The following LRBA variants were observed in gnomAD, a reference collection of about 807,000 sequenced individuals.
The protein encoded by LRBA is lipopolysaccharide-responsive and beige-like anchor protein.
Under a neutral mutation model 330.0 loss-of-function variants are expected in LRBA, and 176 were observed. That is an observed-to-expected ratio of 0.53 (90% CI 0.47 to 0.60). LRBA has a LOEUF of 0.60. Among genes scored for constraint, LRBA ranks in the 20% least tolerant of loss-of-function variants. The pLI is 0.00. For missense variants in LRBA, 3,259 were observed against 3,444.8 expected (o/e 0.95, Z 1.35); for synonymous variants, 1,230 against 1,193.0 (o/e 1.03, Z -0.64).
intron 37 of LRBA, among the ~76,000 whole-genome samples, chr4:150,636,575 G>C (rs1020902477): frequency 6.6e-6 from 1 of 152,116 alleles, no homozygotes; most frequent in African/African-American, 2.4e-5. Flanking sequence ...AAGGCTTTAG[G>C]TGCATTCATT....
intron 44 of LRBA, among the ~76,000 whole-genome samples, chr4:150,456,572 T>C (rs1465002993): frequency 1.3e-5 from 2 of 152,298 alleles, no homozygotes; most frequent in Non-Finnish European, 2.9e-5. Context: ...ATTCTGGTTA[T>C]TAATCCCTTA....
chr4:150,978,059 T>C (rs1740403146), intron 2 of LRBA, among the ~76,000 whole-genome samples: 2 of 152,086 alleles, frequency 1.3e-5, no homozygotes, highest in South Asian at 2.1e-4. Context: ...AGCCAGGTAG[T>C]GGTTATAGCA....
chr4:150,829,273 C>A (rs574593798), intron 29 of LRBA, among the ~76,000 whole-genome samples: 5 of 152,220 alleles, frequency 3.3e-5, no homozygotes, highest in African/African-American at 1.2e-4. Flanking sequence ...AAAAGCTCTA[C>A]CTCAAACATG....
At position 150,849,365 on chromosome 4, in the gene LRBA, A is replaced by G. The variant is rs1170967547; in HGVS notation, c.4158+57T>C. 5 of 1,506,042 alleles carry G rather than the reference A, an allele frequency of 3.3e-6. No homozygotes were observed. In the South Asian group the frequency reaches 4.7e-5, roughly 14 times the overall value. The allele number at this position is 1,506,042 out of a possible 1,614,324, so 93.3% of individuals were successfully genotyped here. On this transcript the variant is annotated intron_variant, in intron 25 of 56. Coordinates refer to ENST00000651943, the MANE Select transcript of LRBA (RefSeq NM_001364905.1). ...CCACCACATTTAAGTTTTAGTCAAT[A>G]AAGTTGCATAACACTCATGTTTTCA...
intron 37 of LRBA, among the ~76,000 whole-genome samples, chr4:150,621,775 C>A (rs900187721): frequency 1.3e-5 from 2 of 152,170 alleles, no homozygotes; most frequent in African/African-American, 4.8e-5. Flanking sequence ...TTTTTACTTT[C>A]CTATTATGTA....
At chr4:150,549,537 T>A (rs1453582379) in intron 40 of LRBA, among the ~76,000 whole-genome samples, 1 of 152,122 alleles carries the variant, frequency 6.6e-6, no homozygotes, top group Non-Finnish European at 1.5e-5. Flanking sequence ...TTCACCGTGT[T>A]AGCCAGGATG....
chr4:150,976,219 A>G (rs1320354026), intron 2 of LRBA, among the ~76,000 whole-genome samples: 1 of 151,092 alleles, frequency 6.6e-6, no homozygotes, highest in Non-Finnish European at 1.5e-5. Flanking sequence ...GTAGAAAGAG[A>G]CTGAGGCAGA....
intron 14 of LRBA, among the ~76,000 whole-genome samples, chr4:150,898,311 T>C (rs907139962): frequency 1.3e-5 from 2 of 152,102 alleles, no homozygotes; most frequent in Non-Finnish European, 2.9e-5. Context: ...CACTACACGA[T>C]ATCATTCATG....
At chr4:150,859,460 T>C (rs1345866385) in intron 22 of LRBA, among the ~76,000 whole-genome samples, 1 of 152,088 alleles carries the variant, frequency 6.6e-6, no homozygotes, top group African/African-American at 2.4e-5. Flanking sequence ...AAATGTTCAA[T>C]TTGAAGCCAA....
intron 40 of LRBA, among the ~76,000 whole-genome samples, chr4:150,563,947 T>C (rs1351787851): frequency 1.3e-5 from 2 of 152,116 alleles, no homozygotes; most frequent in African/African-American, 2.4e-5. Flanking sequence ...ATCGTGAAAA[T>C]GGTCATACTG....
At chr4:150,525,057 G>C (rs1007964799) in intron 40 of LRBA, among the ~76,000 whole-genome samples, 2 of 151,896 alleles carry the variant, frequency 1.3e-5, no homozygotes, top group Admixed American at 1.3e-4. Context: ...CAATTACAAA[G>C]GTCTAATTCT....
At chr4:150,642,097 TG>T (rs1778736242) in intron 37 of LRBA, among the ~76,000 whole-genome samples, 1 of 152,032 alleles carries the variant, frequency 6.6e-6, no homozygotes, top group Non-Finnish European at 1.5e-5. Flanking sequence ...GAAATTGCTT[TG>T]GACATTTTGA....
chr4:150,536,828 G>C (rs1162145332), intron 40 of LRBA, among the ~76,000 whole-genome samples: 1 of 152,034 alleles, frequency 6.6e-6, no homozygotes, highest in East Asian at 1.9e-4. Flanking sequence ...AAAGAAATCA[G>C]AGATCACACA....
At chr4:150,768,927 CTTTTTTTTTTTTTTTTT>C (rs70941440) in intron 34 of LRBA, among the ~76,000 whole-genome samples, 1 of 75,064 alleles carries the variant, frequency 1.3e-5, no homozygotes, top group East Asian at 4.2e-4. Flanking sequence ...GTGCTGTCTC[CTTTTTTTTTTTTTTTTT>C]TTTTTTTTTT....
chr4:150,885,185 A>C (rs1728812566), intron 17 of LRBA, among the ~76,000 whole-genome samples: 1 of 136,176 alleles, frequency 7.3e-6, no homozygotes, highest in Non-Finnish European at 1.6e-5. Context: ...TCCAACATAG[A>C]TGTAACAAGA....
intron 46 of LRBA, among the ~76,000 whole-genome samples, chr4:150,416,109 C>A (rs1747699565): frequency 6.6e-6 from 1 of 152,128 alleles, no homozygotes; most frequent in Non-Finnish European, 1.5e-5. Flanking sequence ...TTTAAAGATA[C>A]CAACTCTGAT....
At chr4:150,564,476 G>T (rs1355944211) in intron 40 of LRBA, among the ~76,000 whole-genome samples, 3 of 152,064 alleles carry the variant, frequency 2.0e-5, no homozygotes, top group Non-Finnish European at 4.4e-5. Context: ...CACAGGCATG[G>T]GCAAGGACTT....
chr4:150,764,201 A>G (rs550634637), intron 34 of LRBA, among the ~76,000 whole-genome samples: 1 of 152,012 alleles, frequency 6.6e-6, no homozygotes, highest in Non-Finnish European at 1.5e-5. Flanking sequence ...AATTCTGTAT[A>G]TAAATCTTTA....
At chr4:150,897,530 A>G (rs1413053746) in intron 15 of LRBA, among the ~76,000 whole-genome samples, 1 of 152,100 alleles carries the variant, frequency 6.6e-6, no homozygotes, top group East Asian at 1.9e-4. Flanking sequence ...ATAACATAAA[A>G]TACAACTACC....
Sources: gnomAD v4.1 joint callset for allele counts (sites outside exome capture counted in the v4.1 genomes callset) on GRCh38, gnomAD v4.1.1 for gene constraint, MANE v1.5 for transcripts, NCBI Gene and HGNC (gene_info 2026-07-23, HGNC 2026-07-21) for gene names.